IKBKE: variants seen among roughly 807,000 people sequenced by gnomAD.
IKBKE encodes inhibitor of nuclear factor kappa B kinase subunit epsilon.
A neutral mutation model predicts 92.1 loss-of-function variants in IKBKE; 45 were observed. The observed-to-expected ratio is 0.49, with a 90% confidence interval of 0.38 to 0.63. The LOEUF is 0.63. Ranked by LOEUF, IKBKE falls within the 20% of genes least tolerant of loss-of-function variation. IKBKE has a pLI of 0.00. For synonymous variants in IKBKE, 374 were observed against 380.3 expected (o/e 0.98, Z 0.19); for missense variants, 700 against 932.8 (o/e 0.75, Z 3.25).
intron 16 of IKBKE, among the ~76,000 whole-genome samples, chr1:206,488,874 T>C (rs1279460701): frequency 6.6e-6 from 1 of 152,192 alleles, no homozygotes; most frequent in East Asian, 1.9e-4. Context: ...TTAATTTTAA[T>C]GTGTTATTCA....
intron 13 of IKBKE, among the ~76,000 whole-genome samples, chr1:206,484,159 T>TATTGTATTGTATTGC (rs1665540544): frequency 6.8e-6 from 1 of 148,014 alleles, no homozygotes; most frequent in Non-Finnish European, 1.5e-5. Flanking sequence ...TATTGTATTG[T>TATTGTATTGTATTGC]ATTATTATTT....
chr1:206,489,417 A>T (rs968267618), intron 16 of IKBKE, among the ~76,000 whole-genome samples: 10 of 147,964 alleles, frequency 6.8e-5, no homozygotes, highest in Non-Finnish European at 1.3e-4. Flanking sequence ...ACACACATAC[A>T]TGGAGCTGTG....
Position 206,496,365 on chromosome 1 carries a change from A to T in IKBKE, c.*220A>T. The T allele has an allele frequency of 1.8e-6, 1 of 561,276 alleles. No homozygotes were observed. Among genetic ancestry groups the T allele is most frequent in the Non-Finnish European group, 3.2e-6 (1 of 313,378 alleles). The allele number at this position is 561,276 out of a possible 1,614,324, so 34.8% of individuals were successfully genotyped here. On this transcript the variant is annotated 3_prime_UTR_variant, in exon 22 of 22. Transcript: ENST00000581977. ...CACCAGGCCACCTCTGTTGGGACCCACAGGAAAGAGTGTGGCAGCAACTGC... is the reference window on the plus strand; with the variant it reads ...CACCAGGCCACCTCTGTTGGGACCCTCAGGAAAGAGTGTGGCAGCAACTGC...
At position 206,490,139 on chromosome 1, in the gene IKBKE, G is replaced by A. The variant is rs969344551; in HGVS notation, c.1694-680G>A. 1.3e-5 allele frequency among the ~76,000 whole-genome samples: 2 copies of A among 152,204 alleles called. No homozygotes were observed. Among genetic ancestry groups the A allele is most frequent in the Admixed American group, 6.5e-5 (1 of 15,284 alleles). On this transcript the variant is annotated intron_variant, in intron 16 of 21. Transcript: ENST00000581977. This position sits in a 1 kb window ranked among gnomAD's most constrained non-coding sequence, Gnocchi z 5.2. The stretch of plus-strand genomic sequence containing the variant: ...ATGCTCTTAGCTGGCCGAGTGCAGG[G>A]CCCAGGAGGGGGACTCTGCTATGAG...
In IKBKE at chr1:206,476,530, A is replaced by G; in HGVS notation, c.541-148A>G. On this transcript the variant is annotated intron_variant, in intron 6 of 21. Coordinates refer to ENST00000581977, the MANE Select transcript of IKBKE (RefSeq NM_014002.4). This position sits in a 1 kb window ranked among gnomAD's most constrained non-coding sequence, Gnocchi z 5.1. ...ATGCATTCTGTTCTCTAAGATGGAA[A>G]AGGTGAGGCTGACACCCATTTTTAA... 8.9e-7 allele frequency: 1 copy of G among 1,125,802 alleles called. No homozygotes were observed. Among genetic ancestry groups the G allele is most frequent in the Non-Finnish European group, 1.3e-6 (1 of 784,024 alleles). The allele number at this position is 1,125,802 out of a possible 1,614,324, so 69.7% of individuals were successfully genotyped here. A position where few individuals can be genotyped will look rare whatever the true frequency, so the allele number is the denominator to read the frequency against.
chr1:206,493,012 G>T lies in IKBKE; in HGVS notation c.1836-11G>T. 1 of 1,559,022 alleles carries T rather than the reference G, an allele frequency of 6.4e-7. No individual in the cohort carries two copies. ...CTGCTCTAATTCTAAGTCTCTGTGTGTTCTCTTGAGGGTGGTGCACGAGAC... is the reference window on the plus strand; with the variant it reads ...CTGCTCTAATTCTAAGTCTCTGTGTTTTCTCTTGAGGGTGGTGCACGAGAC... On this transcript the variant is annotated splice_polypyrimidine_tract_variant and intron_variant, in intron 18 of 21. Coordinates refer to ENST00000581977, the MANE Select transcript of IKBKE (RefSeq NM_014002.4).
Position 206,474,482 on chromosome 1 carries a change from T to C in IKBKE, c.228+11T>C, listed in dbSNP as rs782788108. 3 of 1,609,836 alleles carry C rather than the reference T, an allele frequency of 1.9e-6. No homozygotes were observed. In the Admixed American group the frequency reaches 5.0e-5, roughly 27 times the overall value. Reference sequence around the variant, plus strand: ...GCGGTGGAGGAGACGGTAGGTCCGGTGCTTGGTCAGAGAATGGTCTTGTCC... The same window carrying C: ...GCGGTGGAGGAGACGGTAGGTCCGGCGCTTGGTCAGAGAATGGTCTTGTCC... On this transcript the variant is annotated intron_variant, in intron 4 of 21. Coordinates refer to ENST00000581977, the MANE Select transcript of IKBKE (RefSeq NM_014002.4).
In IKBKE at chr1:206,474,463, G is replaced by A; in HGVS notation, c.220G>A (p.Glu74Lys). Residue 74 changes from glutamate to lysine, a missense_variant, in exon 4 of 22, where the codon GAG becomes AAG. Coordinates refer to ENST00000581977, the MANE Select transcript of IKBKE (RefSeq NM_014002.4). ...HQNIVKLFAV[E>K]ETGGSRQKVL... ...GAACATTGTCAAGCTCTTTGCGGTG[G>A]AGGAGACGGTAGGTCCGGTGCTTGG... is the stretch of plus-strand genomic sequence containing the variant. 6.2e-7 allele frequency: 1 copy of A among 1,613,498 alleles called. No individual in the cohort carries two copies.
In IKBKE at chr1:206,477,696, G is replaced by C. The variant is rs1665142273; in HGVS notation, c.702-53G>C. 2.7e-6 allele frequency: 3 copies of C among 1,117,404 alleles called. No homozygotes were observed. The East Asian group carries it at 7.8e-5, about 29-fold the overall frequency. 69.2% of individuals were successfully genotyped at this position (1,117,404 alleles called of 1,614,324 possible). On this transcript the variant is annotated intron_variant, in intron 7 of 21. Transcript: ENST00000581977. ...AGCCCTTTGTGCTGAGTGTGTCGTT[G>C]CCCGGCAATGTGATAGCTGGGGATC...
Position 206,479,728 on chromosome 1 carries a change from G to A in IKBKE, c.1184-142G>A, listed in dbSNP as rs1665269096. The A allele has an allele frequency of 1.8e-5, 16 of 887,262 alleles. No homozygotes were observed. The South Asian group carries it at 2.2e-4, about 12-fold the overall frequency. 55.0% of individuals were successfully genotyped at this position (887,262 alleles called of 1,614,324 possible). On this transcript the variant is annotated intron_variant, in intron 10 of 21. Transcript: ENST00000581977. ...ACAACTTTAAGTGTGGCTAAGGCTG[G>A]CAAGGTGGGAGGCTCAGGGTGAGTT...
At chr1:206,472,627 A>G (rs1218402158) in intron 2 of IKBKE, among the ~76,000 whole-genome samples, 13 of 151,338 alleles carry the variant, frequency 8.6e-5, no homozygotes, top group Admixed American at 7.9e-4. Flanking sequence ...AAGCAGCCCC[A>G]TCTCTCTTGG....
At chr1:206,491,330 A>G (rs370281109) in intron 17 of IKBKE, 17 of 382,234 alleles carry the variant, frequency 4.4e-5, no homozygotes, top group African/African-American at 3.1e-4. Context: ...ACGCACTCAC[A>G]CACCTTCTTT....
At chr1:206,477,980 C>T (rs1665162694) in intron 8 of IKBKE, 121 bp downstream of exon 8, 3 of 869,004 alleles carry the variant, frequency 3.5e-6, no homozygotes, top group African/African-American at 1.7e-5. Context: ...GGCTTGGGCA[C>T]ACCACTTTCC....
rs2103472949 is a variant in IKBKE at position 206,485,339 on chromosome 1, A to T, written c.1616+33A>T. 2 of 1,260,486 alleles carry T rather than the reference A, an allele frequency of 1.6e-6. No individual in the cohort carries two copies. Among genetic ancestry groups the T allele is most frequent in the Non-Finnish European group, 2.3e-6 (2 of 858,552 alleles). 78.1% of individuals were successfully genotyped at this position (1,260,486 alleles called of 1,614,324 possible). On this transcript the variant is annotated intron_variant, in intron 15 of 21. Coordinates refer to ENST00000581977, the MANE Select transcript of IKBKE (RefSeq NM_014002.4). This position sits in a 1 kb window ranked among gnomAD's most constrained non-coding sequence, Gnocchi z 5.0. ...GGATTTTCCTTCTTTGTGGGGTGGGAGTGGGGGAGTGGGCAGCTCCAAAGG... is the reference window on the plus strand; with the variant it reads ...GGATTTTCCTTCTTTGTGGGGTGGGTGTGGGGGAGTGGGCAGCTCCAAAGG...
intron 10 of IKBKE, 56 bp downstream of exon 10, chr1:206,479,189 A>G: frequency 7.1e-7 from 1 of 1,410,818 alleles, no homozygotes. Context: ...CCTCTGAGAC[A>G]GGAGTTTGCA....
intron 18 of IKBKE, chr1:206,492,423 C>A: frequency 2.1e-6 from 1 of 471,060 alleles, no homozygotes; most frequent in Non-Finnish European, 4.4e-6. Context: ...TGGCACTCAC[C>A]CGTCCTCATA....
At chr1:206,474,507 C>A in intron 4 of IKBKE, 36 bp downstream of exon 4, 1 of 1,585,150 alleles carries the variant, frequency 6.3e-7, no homozygotes, top group Non-Finnish European at 8.6e-7. Flanking sequence ...TGGTCTTGTC[C>A]TTGACCCTTA....
chr1:206,491,890 C>T, intron 18 of IKBKE, 141 bp downstream of exon 18: 1 of 612,202 alleles, frequency 1.6e-6, no homozygotes, highest in East Asian at 3.0e-5. Flanking sequence ...TTTTCTGTCC[C>T]TGGGTGGACC....
chr1:206,496,007 T>C, intron 21 of IKBKE, 105 bp from the exon 22 acceptor site: 1 of 812,280 alleles, frequency 1.2e-6, no homozygotes, highest in Non-Finnish European at 2.1e-6. Flanking sequence ...AGCTGAGGAC[T>C]TGAATGGCTC....
Sources: allele counts gnomAD v4.1 joint callset (sites outside exome capture counted in the v4.1 genomes callset), GRCh38; gene constraint gnomAD v4.1.1; non-coding constraint Gnocchi (gnomAD v3.1); transcripts MANE v1.5; gene names NCBI Gene and HGNC (gene_info 2026-07-23, HGNC 2026-07-21).